SLC5A10: variants seen among roughly 807,000 people sequenced by gnomAD.
SLC5A10 encodes sodium/mannose cotransporter SLC5A10.
Under a neutral mutation model 68.9 loss-of-function variants are expected in SLC5A10, and 55 were observed. That is an observed-to-expected ratio of 0.80 (90% CI 0.64 to 1.00). SLC5A10 has a LOEUF of 1.00. SLC5A10 is among the 50% of genes least tolerant of loss of function. The pLI, the probability that SLC5A10 is intolerant of heterozygous loss-of-function variation, is 0.00. For missense variants in SLC5A10, 732 were observed against 819.3 expected (o/e 0.89, Z 1.30); for synonymous variants, 344 against 344.8 (o/e 1.00, Z 0.02).
intron 8 of SLC5A10, among the ~76,000 whole-genome samples, chr17:18,972,314 A>G (rs1028516524): frequency 7.9e-5 from 12 of 152,196 alleles, no homozygotes; most frequent in Admixed American, 2.0e-4. Context: ...GGTCCACCAT[A>G]GGACAAGGCA....
rs1200366629 is a variant in SLC5A10, at chr17:19,003,632, TCGGGC to T, written c.983-9776_983-9772del. On this transcript the variant is annotated intron_variant, in intron 9 of 14. Coordinates refer to ENST00000395645, the MANE Select transcript of SLC5A10 (RefSeq NM_001042450.4). The surrounding 1 kb of genome is among the most constrained non-coding windows in gnomAD (Gnocchi z 4.5). ...GGTCACGCCGCGGTAGGCGATGGTG[TCGGGC>T]CAGCCCAGGTCCAGCTGCGGGATGG... 1.2e-6 allele frequency: 2 copies of T among 1,612,226 alleles called. No individual in the cohort carries two copies. The highest frequency in any genetic ancestry group is 2.2e-5 in the South Asian group (2 of 90,976).
chr17:19,011,556 G>T (rs1036095579), intron 9 of SLC5A10, among the ~76,000 whole-genome samples: 1 of 152,096 alleles, frequency 6.6e-6, no homozygotes, highest in East Asian at 1.9e-4. Context: ...TAAGTAATAG[G>T]CTGAGAGCTG....
rs1282499402 is a variant in SLC5A10 at position 18,952,268 on chromosome 17, C to A, written c.63C>A (p.Ile21=). 8.7e-6 allele frequency: 14 copies of A among 1,613,862 alleles called. No individual in the cohort carries two copies. The highest frequency in any genetic ancestry group is 1.2e-5 in the Non-Finnish European group (14 of 1,179,972). ...GGACGCAGCTGAGCGTGGCTGACAT[C>A]ATCGTCATCACTGTGTATTTTGCTC... ...TPGTQLSVAD[I]IVITVYFALN... The change falls in exon 1 of 15, where the codon ATC becomes ATA. Residue 21 remains isoleucine (I), a synonymous_variant. Transcript: ENST00000395645.
rs776759928 is a variant in SLC5A10 at position 18,969,065 on chromosome 17, C to T, written c.467C>T (p.Ala156Val). 14 of 1,613,596 alleles carry T rather than the reference C, an allele frequency of 8.7e-6. No homozygotes were observed. The highest frequency in any genetic ancestry group is 3.3e-5 in the Admixed American group (2 of 59,940). Residue 156 changes from alanine to valine, a missense_variant, in exon 6 of 15, where the codon GCG becomes GTG. Ala to Val is a moderately conservative substitution (Grantham distance 64). Coordinates refer to ENST00000395645, the MANE Select transcript of SLC5A10 (RefSeq NM_001042450.4). ...CTCCCTCCGCAGCTGGACCTGTACG[C>T]GGGGGCTCTGTTTGTGCACATCTGC... ...VFTKISLDLY[A>V]GALFVHICLG...
At chr17:19,020,296 T>A in intron 14 of SLC5A10, 29 bp from the exon 15 acceptor site, 3 of 1,613,732 alleles carry the variant, frequency 1.9e-6, no homozygotes, top group Non-Finnish European at 2.5e-6. Flanking sequence ...GTCCTTCATC[T>A]GTCCCTCTCC....
At position 19,003,215 on chromosome 17, in the gene SLC5A10, C is replaced by T. The variant is rs899716992; in HGVS notation, c.983-10195C>T. ...GGAAGCCCTGGGGTTCCTCCCCTCC[C>T]CACTCCACCCTATCTCGGTGCCTTC... is the stretch of plus-strand genomic sequence containing the variant. On this transcript the variant is annotated intron_variant, in intron 9 of 14. Coordinates refer to ENST00000395645, the MANE Select transcript of SLC5A10 (RefSeq NM_001042450.4). This position sits in a 1 kb window ranked among gnomAD's most constrained non-coding sequence, Gnocchi z 4.5. 6.6e-6 allele frequency among the ~76,000 whole-genome samples: 1 copy of T among 150,768 alleles called. No individual in the cohort carries two copies. The highest frequency in any genetic ancestry group is 2.4e-5 in the African/African-American group (1 of 40,986).
At chr17:19,010,172 G>C (rs2043984407) in intron 9 of SLC5A10, among the ~76,000 whole-genome samples, 1 of 152,008 alleles carries the variant, frequency 6.6e-6, no homozygotes, top group African/African-American at 2.4e-5. Flanking sequence ...GGGTTTCGAA[G>C]TTCCCTTTGC....
chr17:19,003,280 C>G lies in SLC5A10; in HGVS notation c.983-10130C>G, dbSNP rs1434901806. Among the ~76,000 whole-genome samples, 1 of 151,698 alleles carries G rather than the reference C, an allele frequency of 6.6e-6. No homozygotes were observed. The highest frequency in any genetic ancestry group is 1.5e-5 in the Non-Finnish European group (1 of 67,890). ...AAACACCCTCCAACAATAAAGAGGCCCTTTGAGACGGGGCAGCCCACTGTC... is the reference window on the plus strand; with the variant it reads ...AAACACCCTCCAACAATAAAGAGGCGCTTTGAGACGGGGCAGCCCACTGTC... On this transcript the variant is annotated intron_variant, in intron 9 of 14. Transcript: ENST00000395645. The surrounding 1 kb of genome is among the most constrained non-coding windows in gnomAD (Gnocchi z 4.5).
At chr17:18,957,603 C>T (rs1313421431) in intron 1 of SLC5A10, among the ~76,000 whole-genome samples, 3 of 152,082 alleles carry the variant, frequency 2.0e-5, no homozygotes, top group Non-Finnish European at 4.4e-5. Flanking sequence ...GTAGCTGGGA[C>T]TACAGGCGCC....
At chr17:18,977,851 G>A (rs896136965) in intron 9 of SLC5A10, 5 of 1,610,908 alleles carry the variant, frequency 3.1e-6, no homozygotes, top group East Asian at 2.2e-5. Flanking sequence ...GCCGTCGGGG[G>A]CCAGGGCCAC....
At chr17:18,953,578 T>G (rs1567773301) in intron 1 of SLC5A10, 1 of 152,680 alleles carries the variant, frequency 6.5e-6, no homozygotes, top group Non-Finnish European at 1.5e-5. Flanking sequence ...AGGTCTGCTA[T>G]CAAGGGGCCC....
intron 3 of SLC5A10, 119 bp from the exon 4 acceptor site, chr17:18,959,485 C>A: frequency 8.6e-7 from 1 of 1,156,536 alleles, no homozygotes; most frequent in Non-Finnish European, 1.3e-6. Flanking sequence ...CATGGCAAGT[C>A]AGGAGGGGCT....
chr17:19,013,087 C>T (rs547475429), intron 9 of SLC5A10, among the ~76,000 whole-genome samples: 7 of 152,114 alleles, frequency 4.6e-5, no homozygotes, highest in Non-Finnish European at 1.0e-4. Context: ...TGGCTGGGGA[C>T]GAGGGGGGCA....
chr17:19,011,719 G>C (rs537447942), intron 9 of SLC5A10, among the ~76,000 whole-genome samples: 1 of 151,866 alleles, frequency 6.6e-6, no homozygotes. Context: ...GGAACCTGGC[G>C]TCCGGGAAGC....
At chr17:19,014,627 C>T (rs1471439887) in intron 10 of SLC5A10, among the ~76,000 whole-genome samples, 1 of 152,222 alleles carries the variant, frequency 6.6e-6, no homozygotes, top group African/African-American at 2.4e-5. Context: ...CTGTGAATCC[C>T]TGGGCAATCT....
At chr17:18,979,908 G>T (rs551021798) in intron 9 of SLC5A10, among the ~76,000 whole-genome samples, 12 of 152,312 alleles carry the variant, frequency 7.9e-5, no homozygotes, top group African/African-American at 2.2e-4. Context: ...GTACAAAGGG[G>T]TTGGCATAAG....
At chr17:18,989,654 G>A (rs751144626) in intron 9 of SLC5A10, among the ~76,000 whole-genome samples, 4 of 152,232 alleles carry the variant, frequency 2.6e-5, no homozygotes, top group African/African-American at 7.2e-5. Flanking sequence ...CCGACGGGGG[G>A]CTGGGGCGGG....
At position 19,017,128 on chromosome 17, in the gene SLC5A10, G is replaced by A. The variant is rs186996725; in HGVS notation, c.1241+1929G>A. 1.5e-3 allele frequency among the ~76,000 whole-genome samples: 236 copies of A among 152,312 alleles called. No homozygotes were observed. The highest frequency in any genetic ancestry group is 2.7e-3 in the Non-Finnish European group (184 of 68,028). Reference sequence around the variant, plus strand: ...CCCTAGCCCTGCAAGCCTGGCAGTCGGCCTCCCTGAGGAGCAAGGCACAAG... The same window carrying A: ...CCCTAGCCCTGCAAGCCTGGCAGTCAGCCTCCCTGAGGAGCAAGGCACAAG... On this transcript the variant is annotated intron_variant, in intron 11 of 14. Coordinates refer to ENST00000395645, the MANE Select transcript of SLC5A10 (RefSeq NM_001042450.4). This position sits in a 1 kb window ranked among gnomAD's most constrained non-coding sequence, Gnocchi z 5.6.
At chr17:19,013,069 G>C (rs916007586) in intron 9 of SLC5A10, among the ~76,000 whole-genome samples, 2 of 152,210 alleles carry the variant, frequency 1.3e-5, no homozygotes, top group African/African-American at 4.8e-5. Flanking sequence ...TTCCCCCTTT[G>C]GGGAGAATGG....
Sources: allele counts gnomAD v4.1 joint callset (sites outside exome capture counted in the v4.1 genomes callset), GRCh38; gene constraint gnomAD v4.1.1; non-coding constraint Gnocchi (gnomAD v3.1); transcripts MANE v1.5; gene names NCBI Gene and HGNC (gene_info 2026-07-23, HGNC 2026-07-21).